NCOA2: variants seen among roughly 807,000 people sequenced by gnomAD.
The protein encoded by NCOA2 is class E basic helix-loop-helix protein 75.
A neutral mutation model predicts 145.1 loss-of-function variants in NCOA2; 21 were observed. That is an observed-to-expected ratio of 0.14 (90% CI 0.10 to 0.21). NCOA2 has a LOEUF of 0.21. Among genes scored for constraint, NCOA2 ranks in the 10% least tolerant of loss-of-function variants. The probability of loss-of-function intolerance (pLI) is 1.00; values close to 1 mark genes in which losing one functional copy is unlikely to be tolerated. For synonymous variants in NCOA2, 619 were observed against 637.5 expected, an observed-to-expected ratio of 0.97 and a Z score of 0.44; for missense variants, 1,472 against 1,837.6, an observed-to-expected ratio of 0.80 and a Z score of 3.64.
chr8:70,373,878 G>T (rs1261607308), intron 1 of NCOA2, among the ~76,000 whole-genome samples: 2 of 152,092 alleles, frequency 1.3e-5, no homozygotes, highest in African/African-American at 4.8e-5. Context: ...TATTATTATG[G>T]TAAGACCACA....
Position 70,156,668 on chromosome 8 carries a change from G to T in NCOA2, c.1697C>A (p.Pro566Gln). Residue 566 changes from proline (P) to glutamine (Q), a missense_variant, in exon 11 of 23, where the codon CCA becomes CAA. By Grantham distance (76) the Pro-to-Gln change is moderately conservative (BLOSUM62 -1). Coordinates refer to ENST00000452400, the MANE Select transcript of NCOA2 (RefSeq NM_006540.4). Reference protein sequence around the residue: ...DLKMGNLQNSPVNMNPPPLSK... With the variant: ...DLKMGNLQNSQVNMNPPPLSK... ...GAGTGGGGGAGGATTCATATTAACT[G>T]GGGAGTTTTGCAAATTGCCCATTTT... is the stretch of plus-strand genomic sequence containing the variant. 2 of 1,613,924 alleles carry T rather than the reference G, an allele frequency of 1.2e-6. No individual in the cohort carries two copies. Among genetic ancestry groups the T allele is most frequent in the Non-Finnish European group, 1.7e-6 (2 of 1,179,876 alleles).
chr8:70,255,892 C>G (rs1213476781), intron 2 of NCOA2, among the ~76,000 whole-genome samples: 1 of 152,196 alleles, frequency 6.6e-6, no homozygotes, highest in Non-Finnish European at 1.5e-5. Context: ...GATCTACACA[C>G]AACAGCTTTT....
chr8:70,267,392 GTTTT>G (rs34028372), intron 2 of NCOA2, among the ~76,000 whole-genome samples: 4 of 102,492 alleles, frequency 3.9e-5, no homozygotes, highest in Non-Finnish European at 6.0e-5. Context: ...TTTCCTTTCT[GTTTT>G]TTTTTTTTTT....
chr8:70,186,081 T>C (rs763958902), intron 4 of NCOA2, among the ~76,000 whole-genome samples: 3 of 150,832 alleles, frequency 2.0e-5, no homozygotes, highest in Admixed American at 6.6e-5. Flanking sequence ...ACTCTCTCAC[T>C]CTCTCTCTCT....
At chr8:70,159,244 T>TATATATATATGTATATATA in intron 10 of NCOA2, among the ~76,000 whole-genome samples, 1,403 of 69,210 alleles carry the variant, frequency 0.02, 173 homozygotes, top group Admixed American at 0.069. Flanking sequence ...ATATATATAT[T>TATATATATATGTATATATA]TTTTTTTTTT....
chr8:70,171,073 C>CA (rs1456031081), intron 5 of NCOA2, among the ~76,000 whole-genome samples: 1 of 152,152 alleles, frequency 6.6e-6, no homozygotes, highest in African/African-American at 2.4e-5. Flanking sequence ...ACTTGTTCTC[C>CA]AGATTAAGAT....
At chr8:70,411,115 G>A in the NCOA2 span, among the ~76,000 whole-genome samples, 2 of 152,074 alleles carry the variant, frequency 1.3e-5, no homozygotes, top group South Asian at 4.2e-4. Flanking sequence ...GGGTAAGAGG[G>A]AAGTTCCCCA....
intron 15 of NCOA2, among the ~76,000 whole-genome samples, chr8:70,132,710 C>T (rs764358524): frequency 7.2e-5 from 11 of 152,202 alleles, no homozygotes; most frequent in African/African-American, 2.2e-4. Flanking sequence ...ACTATAGGCA[C>T]GCGCCACCAC....
intron 1 of NCOA2, among the ~76,000 whole-genome samples, chr8:70,353,429 T>C (rs1245649142): frequency 6.7e-6 from 1 of 149,418 alleles, no homozygotes; most frequent in African/African-American, 2.5e-5. Flanking sequence ...ATTATGTTTA[T>C]AAGCCAACTT....
At chr8:70,157,596 A>C (rs534750645) in intron 10 of NCOA2, among the ~76,000 whole-genome samples, 2 of 152,362 alleles carry the variant, frequency 1.3e-5, no homozygotes, top group South Asian at 4.1e-4. Flanking sequence ...ACTGTCTTAA[A>C]GAAATGAGTA....
At chr8:70,397,453 A>C (rs1213492054) in intron 1 of NCOA2, among the ~76,000 whole-genome samples, 2 of 138,602 alleles carry the variant, frequency 1.4e-5, no homozygotes, top group Non-Finnish European at 3.0e-5. Context: ...ACCCTGTCTC[A>C]AAAAAAGGAA....
chr8:70,330,441 C>T (rs1249689627), intron 1 of NCOA2, among the ~76,000 whole-genome samples: 2 of 151,726 alleles, frequency 1.3e-5, no homozygotes, highest in Non-Finnish European at 2.9e-5. Flanking sequence ...CATGGTGGCA[C>T]ACACCTGCAG....
chr8:70,176,110 T>C (rs528574114), intron 4 of NCOA2, among the ~76,000 whole-genome samples: 2 of 152,314 alleles, frequency 1.3e-5, no homozygotes, highest in South Asian at 4.1e-4. Context: ...TATCATGGAC[T>C]GAGCCAAAGT....
intron 1 of NCOA2, among the ~76,000 whole-genome samples, chr8:70,301,655 C>CAAA (rs71275063): frequency 0.039 from 2,319 of 60,048 alleles, 87 homozygotes; most frequent in East Asian, 0.12. Flanking sequence ...GACCCTTTCT[C>CAAA]AAAAAAAAAA....
At chr8:70,143,460 TTTTA>T (rs1810688952) in intron 13 of NCOA2, among the ~76,000 whole-genome samples, 1 of 152,150 alleles carries the variant, frequency 6.6e-6, no homozygotes. Context: ...TAAATCAATA[TTTTA>T]TTTATCTTAA....
the NCOA2 span, among the ~76,000 whole-genome samples, chr8:70,414,944 A>AG: frequency 6.6e-6 from 1 of 152,174 alleles, no homozygotes; most frequent in African/African-American, 2.4e-5. Flanking sequence ...GATAAAAAAA[A>AG]AAGATAGGGT....
chr8:70,176,301 A>G, intron 4 of NCOA2, among the ~76,000 whole-genome samples: 1 of 152,126 alleles, frequency 6.6e-6, no homozygotes, highest in East Asian at 1.9e-4. Context: ...TTCCTGATTC[A>G]CCTCTTTAGA....
At chr8:70,322,644 T>C (rs970326907) in intron 1 of NCOA2, among the ~76,000 whole-genome samples, 3 of 152,218 alleles carry the variant, frequency 2.0e-5, no homozygotes, top group Non-Finnish European at 4.4e-5. Flanking sequence ...CGTGTGATCC[T>C]GGGCAAGTTA....
intron 3 of NCOA2, among the ~76,000 whole-genome samples, chr8:70,215,604 G>T (rs1304964178): frequency 2.0e-5 from 3 of 152,126 alleles, no homozygotes; most frequent in African/African-American, 7.2e-5. Context: ...CTCTCTTGAT[G>T]ACTTTTCCTA....
Sources: allele counts gnomAD v4.1 joint callset (sites outside exome capture counted in the v4.1 genomes callset), GRCh38; gene constraint gnomAD v4.1.1; transcripts MANE v1.5; gene names NCBI Gene and HGNC (gene_info 2026-07-23, HGNC 2026-07-21).